The following PDE4D variants were observed in gnomAD, a reference collection of about 807,000 sequenced individuals.
PDE4D encodes 3',5'-cyclic-AMP phosphodiesterase 4D.
Under a neutral mutation model 87.4 loss-of-function variants are expected in PDE4D, and 24 were observed. That is an observed-to-expected ratio of 0.27 (90% CI 0.20 to 0.39). PDE4D has a LOEUF of 0.39. Among genes scored for constraint, PDE4D ranks in the 10% least tolerant of loss-of-function variants. The pLI is 1.00. For synonymous variants in PDE4D, 384 were observed against 383.2 expected, an observed-to-expected ratio of 1.00 and a Z score of -0.02; for missense variants, 714 against 1,041.0, an observed-to-expected ratio of 0.69 and a Z score of 4.32.
chr5:60,278,422 G>A (rs986526131), intron 1 of PDE4D, among the ~76,000 whole-genome samples: 1 of 152,036 alleles, frequency 6.6e-6, no homozygotes, highest in Non-Finnish European at 1.5e-5. Context: ...GTTCACTCAG[G>A]TTTATGTGTT....
chr5:60,249,634 G>A (rs1464156809), intron 1 of PDE4D, among the ~76,000 whole-genome samples: 3 of 151,942 alleles, frequency 2.0e-5, no homozygotes, highest in Non-Finnish European at 2.9e-5. Flanking sequence ...TTTACATTGG[G>A]TCACAAGAAA....
chr5:60,419,998 CCCAGACA>C (rs2150085243), intron 1 of PDE4D, among the ~76,000 whole-genome samples: 1 of 152,190 alleles, frequency 6.6e-6, no homozygotes, highest in East Asian at 1.9e-4. Flanking sequence ...AGAGATTTGT[CCCAGACA>C]TGGGACAAAT....
chr5:60,405,164 G>T (rs1014576147), intron 1 of PDE4D, among the ~76,000 whole-genome samples: 4 of 152,208 alleles, frequency 2.6e-5, no homozygotes, highest in African/African-American at 9.6e-5. Context: ...AATGCCAAGA[G>T]TAAGGTGAAA....
At chr5:59,558,438 T>C (rs1583114337) in intron 1 of PDE4D, 1 of 152,146 alleles carries the variant, frequency 6.6e-6, no homozygotes. Flanking sequence ...CATATCATTC[T>C]CTTGTTTAGA....
At chr5:59,133,804 G>A (rs1776624466) in intron 5 of PDE4D, among the ~76,000 whole-genome samples, 1 of 152,142 alleles carries the variant, frequency 6.6e-6, no homozygotes, top group Non-Finnish European at 1.5e-5. Flanking sequence ...CACGTGAGAT[G>A]GACAAAGGCT....
At chr5:60,104,545 G>A (rs7714634) in intron 2 of PDE4D, among the ~76,000 whole-genome samples, 2,855 of 152,296 alleles carry the variant, frequency 0.019, 94 homozygotes, top group African/African-American at 0.059. Context: ...TCTGAGAATG[G>A]GCAGAGTGCC....
chr5:59,566,534 ATGTGTGTGTGTGTG>A (rs34584672), intron 1 of PDE4D, among the ~76,000 whole-genome samples: 1,874 of 140,798 alleles, frequency 0.013, 48 homozygotes, highest in African/African-American at 0.047. Flanking sequence ...TCACAGTTTC[ATGTGTGTGTGTGTG>A]TGTGTGTGTG....
intron 5 of PDE4D, among the ~76,000 whole-genome samples, chr5:59,104,691 G>C (rs2153435292): frequency 6.6e-6 from 1 of 152,180 alleles, no homozygotes; most frequent in South Asian, 2.1e-4. Context: ...GAAAAGGAGG[G>C]AAGGGGAGGG....
chr5:59,198,703 T>C (rs1020901328), intron 2 of PDE4D, among the ~76,000 whole-genome samples: 2 of 152,190 alleles, frequency 1.3e-5, no homozygotes, highest in African/African-American at 4.8e-5. Flanking sequence ...GAAATGACAG[T>C]AGAGTCAGGA....
At chr5:59,037,809 A>G (rs1297398214) in intron 6 of PDE4D, among the ~76,000 whole-genome samples, 3 of 151,010 alleles carry the variant, frequency 2.0e-5, no homozygotes, top group Admixed American at 6.7e-5. Context: ...GCATGAGAAC[A>G]GGTGGGATAA....
intron 2 of PDE4D, among the ~76,000 whole-genome samples, chr5:60,028,098 A>G (rs1389920157): frequency 1.3e-5 from 2 of 152,184 alleles, no homozygotes; most frequent in African/African-American, 4.8e-5. Flanking sequence ...CTTACACCCC[A>G]GACAACATAG....
chr5:59,640,589 G>A (rs1210752113), intron 1 of PDE4D, among the ~76,000 whole-genome samples: 1 of 152,194 alleles, frequency 6.6e-6, no homozygotes, highest in Non-Finnish European at 1.5e-5. Flanking sequence ...GACAGAGCCT[G>A]CTGTCCCACT....
intron 1 of PDE4D, among the ~76,000 whole-genome samples, chr5:59,537,799 T>A (rs1334355665): frequency 6.6e-6 from 1 of 152,232 alleles, no homozygotes. Flanking sequence ...AATAACACTA[T>A]AACATTAAGG....
intron 1 of PDE4D, among the ~76,000 whole-genome samples, chr5:59,652,187 C>T (rs1187545095): frequency 6.6e-6 from 1 of 152,112 alleles, no homozygotes; most frequent in African/African-American, 2.4e-5. Context: ...CTCTTGCTAC[C>T]CCATCTCTTC....
At chr5:60,423,290 G>A (rs933105041) in intron 1 of PDE4D, among the ~76,000 whole-genome samples, 1 of 152,064 alleles carries the variant, frequency 6.6e-6, no homozygotes, top group African/African-American at 2.4e-5. Flanking sequence ...CCACATAATT[G>A]GAAGTAAAGC....
chr5:60,502,308 G>C (rs561371777), intron 1 of PDE4D, among the ~76,000 whole-genome samples: 1 of 152,266 alleles, frequency 6.6e-6, no homozygotes, highest in South Asian at 2.1e-4. Flanking sequence ...AGATCAGATA[G>C]TTGTAGATAT....
Position 59,340,738 on chromosome 5 carries a change from C to T in PDE4D, c.456-124770G>A, listed in dbSNP as rs113080454. On this transcript the variant is annotated intron_variant, in intron 1 of 14. Transcript: ENST00000340635. ...TCTTTCCACTCTATCTCCATGAGAT[C>T]AATTGTCTTCATTTTTACCTCCCAC... 6.6e-3 allele frequency among the ~76,000 whole-genome samples: 1,001 copies of T among 152,240 alleles called. 8 individuals are homozygous for T. Among genetic ancestry groups the T allele is most frequent in the African/African-American group, 0.023 (959 of 41,524 alleles).
chr5:59,631,388 T>C (rs1831545418), intron 1 of PDE4D, among the ~76,000 whole-genome samples: 1 of 152,208 alleles, frequency 6.6e-6, no homozygotes, highest in Non-Finnish European at 1.5e-5. Context: ...ATTACTGAGA[T>C]AATTTACTTG....
chr5:59,253,204 T>A (rs569389302), intron 1 of PDE4D, among the ~76,000 whole-genome samples: 1 of 152,284 alleles, frequency 6.6e-6, no homozygotes, highest in Admixed American at 6.5e-5. Flanking sequence ...ATAATCTCTA[T>A]TTGTTTCTTT....
Sources: allele counts gnomAD v4.1 joint callset (sites outside exome capture counted in the v4.1 genomes callset), GRCh38; gene constraint gnomAD v4.1.1; transcripts MANE v1.5; gene names NCBI Gene and HGNC (gene_info 2026-07-23, HGNC 2026-07-21).